RORA: variants seen among roughly 807,000 people sequenced by gnomAD.
RORA encodes the protein RAR related orphan receptor A.
Under a neutral mutation model 69.5 loss-of-function variants are expected in RORA, and 7 were observed. That is an observed-to-expected ratio of 0.10 (90% confidence interval 0.06 to 0.19). RORA has a LOEUF of 0.19. RORA is among the 10% of genes least tolerant of loss of function. The pLI is 1.00. For synonymous variants in RORA, 261 were observed against 240.8 expected, an observed-to-expected ratio of 1.08 and a Z score of -0.78; for missense variants, 457 against 663.0, an observed-to-expected ratio of 0.69 and a Z score of 3.41.
chr15:60,625,383 C>T (rs1179504161), intron 2 of RORA, among the ~76,000 whole-genome samples: 1 of 152,198 alleles, frequency 6.6e-6, no homozygotes, highest in Non-Finnish European at 1.5e-5. Flanking sequence ...GCAAAGTCTC[C>T]ATGAAGGACC....
chr15:61,198,887 C>T (rs750936941), intron 1 of RORA, among the ~76,000 whole-genome samples: 12 of 152,164 alleles, frequency 7.9e-5, no homozygotes, highest in Non-Finnish European at 1.8e-4. Context: ...TTTCACTCAC[C>T]CGCCAGCAGC....
At chr15:60,623,814 A>G (rs530904179) in intron 2 of RORA, among the ~76,000 whole-genome samples, 1 of 152,322 alleles carries the variant, frequency 6.6e-6, no homozygotes, top group South Asian at 2.1e-4. Flanking sequence ...AATCAAAACT[A>G]TTGGTTGATC....
intron 1 of RORA, among the ~76,000 whole-genome samples, chr15:61,117,579 C>T (rs2079061989): frequency 6.6e-6 from 1 of 152,186 alleles, no homozygotes; most frequent in African/African-American, 2.4e-5. Context: ...TGCCATGCTT[C>T]ATCTTTTATA....
chr15:61,068,173 G>C (rs539909081), intron 1 of RORA, among the ~76,000 whole-genome samples: 1 of 152,156 alleles, frequency 6.6e-6, no homozygotes, highest in Non-Finnish European at 1.5e-5. Context: ...CATAGGTTTG[G>C]TTCATATGGA....
rs2065059395 is a variant in RORA, at chr15:60,492,459, G to A, written c.*4996C>T. 6.6e-6 allele frequency: 1 copy of A among 152,060 alleles called. No individual in the cohort carries two copies. The highest frequency in any genetic ancestry group is 1.5e-5 in the Non-Finnish European group (1 of 67,974). 9.4% of individuals were successfully genotyped at this position (152,060 alleles called of 1,614,324 possible). On this transcript the variant is annotated 3_prime_UTR_variant, in exon 11 of 11. Transcript: ENST00000335670. ...AATTGTTTTCCATGAAGGAATTTTT[G>A]GTTTGCTTCTAGAGGAGAACCCATG...
At chr15:61,218,232 T>C (rs561985830) in intron 1 of RORA, among the ~76,000 whole-genome samples, 1 of 151,926 alleles carries the variant, frequency 6.6e-6, no homozygotes, top group South Asian at 2.1e-4. Flanking sequence ...GTAATTAATA[T>C]GTTTTTCTCA....
At chr15:61,035,996 G>C (rs1291303272) in intron 1 of RORA, among the ~76,000 whole-genome samples, 1 of 152,228 alleles carries the variant, frequency 6.6e-6, no homozygotes, top group Non-Finnish European at 1.5e-5. Flanking sequence ...TGGAATGAGG[G>C]AAAGGGGTTA....
chr15:61,122,979 T>G (rs2079116383), intron 1 of RORA, among the ~76,000 whole-genome samples: 1 of 152,160 alleles, frequency 6.6e-6, no homozygotes, highest in Non-Finnish European at 1.5e-5. Flanking sequence ...CAAAGGTACA[T>G]CACTTTCATA....
At chr15:61,034,355 G>C (rs749573771) in intron 1 of RORA, among the ~76,000 whole-genome samples, 1 of 152,238 alleles carries the variant, frequency 6.6e-6, no homozygotes, top group East Asian at 1.9e-4. Context: ...ATTTTCTTAC[G>C]TTTCTCAGAC....
intron 1 of RORA, among the ~76,000 whole-genome samples, chr15:61,183,580 A>G (rs1001985748): frequency 4.6e-5 from 7 of 151,770 alleles, no homozygotes; most frequent in African/African-American, 1.7e-4. Context: ...ATGGACAGAG[A>G]ACAGAGCTGA....
At chr15:60,804,287 C>CAA (rs5813037) in intron 1 of RORA, among the ~76,000 whole-genome samples, 77 of 57,972 alleles carry the variant, frequency 1.3e-3, no homozygotes, top group East Asian at 2.7e-3. Context: ...AACTCCATCT[C>CAA]AAAAAAAAAA....
intron 1 of RORA, among the ~76,000 whole-genome samples, chr15:60,758,356 C>T (rs17270369): frequency 0.019 from 2,911 of 152,288 alleles, 39 homozygotes; most frequent in Non-Finnish European, 0.029. Flanking sequence ...TGCCAGGTCT[C>T]GAGCACAGTA....
chr15:61,117,814 CT>C (rs2079064267), intron 1 of RORA, among the ~76,000 whole-genome samples: 1 of 152,128 alleles, frequency 6.6e-6, no homozygotes, highest in South Asian at 2.1e-4. Flanking sequence ...ATTTTTGATG[CT>C]GTAAAATGCA....
At chr15:60,811,568 C>T (rs1273125812) in intron 1 of RORA, among the ~76,000 whole-genome samples, 4 of 152,198 alleles carry the variant, frequency 2.6e-5, no homozygotes, top group Non-Finnish European at 5.9e-5. Flanking sequence ...ACCATTCTGT[C>T]TAAGCTCCTT....
chr15:61,212,658 C>T (rs1343820681), intron 1 of RORA, among the ~76,000 whole-genome samples: 1 of 152,190 alleles, frequency 6.6e-6, no homozygotes, highest in African/African-American at 2.4e-5. Flanking sequence ...TCCCAAAGTG[C>T]TGGGATTACA....
chr15:60,793,743 A>G (rs1256238519), intron 1 of RORA, among the ~76,000 whole-genome samples: 1 of 152,220 alleles, frequency 6.6e-6, no homozygotes, highest in South Asian at 2.1e-4. Flanking sequence ...ATGAAACTTC[A>G]AAGAGCTTTC....
At position 60,494,485 on chromosome 15, in the gene RORA, T is replaced by C. The variant is rs534869513; in HGVS notation, c.*2970A>G. Reference sequence around the variant, plus strand: ...ACTATTAAGGATAATTGTTCTGATATCACCCAAGTATTTTATGTCATCACA... The same window carrying C: ...ACTATTAAGGATAATTGTTCTGATACCACCCAAGTATTTTATGTCATCACA... On this transcript the variant is annotated 3_prime_UTR_variant, in exon 11 of 11. Transcript: ENST00000335670. The C allele has an allele frequency of 3.3e-5, 5 of 152,384 alleles. No individual in the cohort carries two copies. Among genetic ancestry groups the C allele is most frequent in the African/African-American group, 1.2e-4 (5 of 41,594 alleles). The allele number at this position is 152,384 out of a possible 1,614,324, so 9.4% of individuals were successfully genotyped here.
chr15:60,520,220 C>G (rs554397175), intron 3 of RORA: 52 of 152,152 alleles, frequency 3.4e-4, no homozygotes, highest in African/African-American at 1.3e-3. Context: ...GTCATACCCA[C>G]AAGGAGAACT....
intron 1 of RORA, among the ~76,000 whole-genome samples, chr15:60,808,424 C>T (rs1902615): frequency 0.75 from 114,709 of 151,974 alleles, 43,945 homozygotes; most frequent in Non-Finnish European, 0.82. Flanking sequence ...GATGTTAGTG[C>T]TGATGTGGTG....
Sources: gnomAD v4.1 joint callset for allele counts (sites outside exome capture counted in the v4.1 genomes callset) on GRCh38, gnomAD v4.1.1 for gene constraint, MANE v1.5 for transcripts, NCBI Gene and HGNC (gene_info 2026-07-23, HGNC 2026-07-21) for gene names.